IL4I1: variants seen among roughly 807,000 people sequenced by gnomAD.
The protein encoded by IL4I1 is interleukin 4 induced 1, also known as L-amino-acid oxidase.
In IL4I1, 24 loss-of-function variants were observed where a neutral mutation model predicts 29.7. The ratio of observed to expected loss-of-function variants is 0.81; its 90% CI spans 0.59 to 1.14. The LOEUF is 1.14. Among genes scored for constraint, IL4I1 ranks in the 50% most tolerant of loss-of-function variants. The pLI is 0.00. For missense variants in IL4I1, 686 were observed against 785.6 expected (o/e 0.87, Z 1.52); for synonymous variants, 371 against 352.5 (o/e 1.05, Z -0.59).
intron 2 of IL4I1, among the ~76,000 whole-genome samples, chr19:49,925,423 TC>T (rs919228817): frequency 9.0e-6 from 1 of 111,416 alleles, no homozygotes; most frequent in Non-Finnish European, 1.8e-5. Flanking sequence ...AGTAAGACCC[TC>T]CCCCCCATCT....
At chr19:49,913,304 T>C (rs1195726451) in intron 2 of IL4I1, 1 of 152,164 alleles carries the variant, frequency 6.6e-6, no homozygotes, top group Non-Finnish European at 1.5e-5. Flanking sequence ...AGAGAGAAAA[T>C]GGCCCTTGAC....
Position 49,890,457 on chromosome 19 carries a change from G to GGGGGAGA in IL4I1, c.910_916dup (p.Pro306LeufsTer67). On this transcript the variant is annotated frameshift_variant, in exon 8 of 8. Coordinates refer to ENST00000391826, the MANE Select transcript of IL4I1 (RefSeq NM_152899.2). LOFTEE classifies it low-confidence loss of function (END_TRUNC). Reference sequence around the variant, plus strand: ...CTTCAGCACCTTCAGATTCCGCGCCGGGGGAGAGGTCTCGATCTGCACGTG... The same window carrying GGGGGAGA: ...CTTCAGCACCTTCAGATTCCGCGCCGGGGGAGAGGGGAGAGGTCTCGATCTGCACGTG... The GGGGGAGA allele has an allele frequency of 6.2e-7, 1 of 1,611,782 alleles. No individual in the cohort carries two copies.
upstream of IL4I1, among the ~76,000 whole-genome samples, chr19:49,898,359 C>T (rs1385224064): frequency 6.6e-6 from 1 of 151,942 alleles, no homozygotes; most frequent in East Asian, 1.9e-4. Context: ...GTAATGAGGG[C>T]CGGGTGCGGA....
rs758695990 is a variant in IL4I1 at position 49,908,763 on chromosome 19, G to A, written c.-227-4442C>T. ...TGGGTGGCCTGCTGGAGGAAGTGCC[G>A]CTCCTGGTCCTCTAGCTCCAGGCTC... is the stretch of plus-strand genomic sequence containing the variant. On this transcript the variant is annotated intron_variant, in intron 2 of 9. Transcript: ENST00000341114. The A allele has an allele frequency of 1.5e-5, 24 of 1,613,664 alleles. No individual in the cohort carries two copies. Among genetic ancestry groups the A allele is most frequent in the Non-Finnish European group, 1.9e-5 (23 of 1,180,032 alleles).
intron 2 of IL4I1, among the ~76,000 whole-genome samples, chr19:49,913,396 TAG>T (rs746802314): frequency 2.5e-4 from 38 of 152,170 alleles, no homozygotes; most frequent in Non-Finnish European, 5.3e-4. Flanking sequence ...CAGGCCACTC[TAG>T]AGAGTCCATG....
intron 3 of IL4I1, among the ~76,000 whole-genome samples, chr19:49,902,400 C>T (rs1396747729): frequency 6.8e-6 from 1 of 146,902 alleles, no homozygotes; most frequent in Non-Finnish European, 1.5e-5. Context: ...CGCTCAGTTG[C>T]CCAGGCTGGA....
chr19:49,905,248 C>T (rs2075306843), intron 2 of IL4I1, among the ~76,000 whole-genome samples: 1 of 152,224 alleles, frequency 6.6e-6, no homozygotes, highest in Non-Finnish European at 1.5e-5. Context: ...CTCAAATTTT[C>T]TCATCATGAT....
intron 2 of IL4I1, chr19:49,908,845 C>T: frequency 6.2e-7 from 1 of 1,612,596 alleles, no homozygotes; most frequent in Non-Finnish European, 8.5e-7. Flanking sequence ...TGGCAGCCGC[C>T]CCTGCAGCTG....
upstream of IL4I1, chr19:49,897,002 T>C: frequency 2.3e-6 from 1 of 433,364 alleles, no homozygotes; most frequent in Non-Finnish European, 3.1e-6. Context: ...TCTGGTCCAA[T>C]GCTCAGAGTC....
rs572178866 is a variant in IL4I1, at chr19:49,893,875, T to C, written c.567+393A>G. Among the ~76,000 whole-genome samples, 479 of 150,088 alleles carry C rather than the reference T, an allele frequency of 3.2e-3. 4 individuals are homozygous for C. The highest frequency in any genetic ancestry group is 0.011 in the African/African-American group (456 of 40,656). On this transcript the variant is annotated intron_variant, in intron 5 of 7. Coordinates refer to ENST00000391826, the MANE Select transcript of IL4I1 (RefSeq NM_152899.2). ...GGTGGCGGGCGCCTGTAATCCCAGC[T>C]ACTCGGGAGGCTGAGGCAGAGAATT...
chr19:49,893,675 G>T (rs1419318315), intron 5 of IL4I1, among the ~76,000 whole-genome samples: 1 of 152,090 alleles, frequency 6.6e-6, no homozygotes, highest in African/African-American at 2.4e-5. Flanking sequence ...GGGGTCAGCA[G>T]TGTTTACGGG....
At chr19:49,903,781 C>A (rs2075290739) in intron 3 of IL4I1, among the ~76,000 whole-genome samples, 1 of 147,486 alleles carries the variant, frequency 6.8e-6, no homozygotes, top group Non-Finnish European at 1.5e-5. Flanking sequence ...AATAAAAAGT[C>A]ATCATTCCCT....
At chr19:49,918,469 T>G (rs988740907) in intron 2 of IL4I1, 1 of 152,224 alleles carries the variant, frequency 6.6e-6, no homozygotes, top group Non-Finnish European at 1.5e-5. Flanking sequence ...CAGAACCAGG[T>G]ATCCCCAATA....
chr19:49,908,088 C>T (rs745899876), intron 2 of IL4I1: 130 of 1,460,256 alleles, frequency 8.9e-5, no homozygotes, highest in African/African-American at 1.4e-4. Context: ...AATGGAAAAA[C>T]GCAAAGCACA....
intron 2 of IL4I1, among the ~76,000 whole-genome samples, chr19:49,917,393 C>A (rs114322646): frequency 1.9e-3 from 286 of 152,356 alleles, no homozygotes; most frequent in African/African-American, 6.4e-3. Context: ...GTTCCTCTTT[C>A]CTTTGCGTCA....
intron 2 of IL4I1, among the ~76,000 whole-genome samples, chr19:49,911,552 A>T (rs936452241): frequency 1.3e-5 from 2 of 150,912 alleles, no homozygotes; most frequent in South Asian, 4.2e-4. Context: ...CACTACCCCC[A>T]CCCCTTCCAC....
At position 49,895,931 on chromosome 19, in the gene IL4I1, G is replaced by A; in HGVS notation, c.136C>T (p.Leu46Phe). 1.2e-6 allele frequency: 2 copies of A among 1,614,242 alleles called. No individual in the cohort carries two copies. The highest frequency in any genetic ancestry group is 8.5e-7 in the Non-Finnish European group (1 of 1,180,054). ...TTGAGCCCCCAGGTCACCACCTTGA[G>A]CAGCTGCTCATAGTCAGGATCCTGC... ...CMQDPDYEQL[L>F]KVVTWGLNRT... Residue 46 changes from leucine (L) to phenylalanine (F), a missense_variant, in exon 3 of 8, where the codon CTC becomes TTC. Physicochemically the swap from Leu to Phe is conservative, Grantham distance 22. Transcript: ENST00000391826.
chr19:49,908,485 A>C (rs892028), intron 2 of IL4I1: 1 of 1,614,120 alleles, frequency 6.2e-7, no homozygotes, highest in Non-Finnish European at 8.5e-7. Context: ...TGAGCTGTGC[A>C]TCGATGTTCT....
At chr19:49,914,913 T>C (rs546030873) in intron 2 of IL4I1, among the ~76,000 whole-genome samples, 43 of 151,832 alleles carry the variant, frequency 2.8e-4, no homozygotes, top group African/African-American at 9.9e-4. Flanking sequence ...CTAATTTTTG[T>C]ATTTTTAGTA....
Sources: allele counts gnomAD v4.1 joint callset (sites outside exome capture counted in the v4.1 genomes callset), GRCh38; gene constraint gnomAD v4.1.1; transcripts MANE v1.5; gene names NCBI Gene and HGNC (gene_info 2026-07-23, HGNC 2026-07-21).